Variants in ATP2C2 observed in about 807,000 individuals in gnomAD.
ATP2C2 encodes calcium-transporting ATPase type 2C member 2.
In ATP2C2, 171 loss-of-function variants were observed where a neutral mutation model predicts 110.8. The ratio of observed to expected loss-of-function variants is 1.54; its 90% CI spans 1.36 to 1.75. The LOEUF is 1.75. Among genes scored for constraint, ATP2C2 ranks in the 40% most tolerant of loss-of-function variants. ATP2C2 has a pLI of 0.00. For synonymous variants in ATP2C2, 804 were observed against 508.4 expected, an observed-to-expected ratio of 1.58 and a Z score of -7.82; for missense variants, 1,963 against 1,235.0, an observed-to-expected ratio of 1.59 and a Z score of -8.84.
intron 6 of ATP2C2, among the ~76,000 whole-genome samples, chr16:84,414,186 A>G (rs1440230900): frequency 2.0e-5 from 3 of 152,190 alleles, no homozygotes; most frequent in African/African-American, 7.2e-5. Flanking sequence ...AGCAACAGGT[A>G]TATCTCTGGC....
At chr16:84,455,597 A>C (rs1910720833) in intron 21 of ATP2C2, among the ~76,000 whole-genome samples, 2 of 152,082 alleles carry the variant, frequency 1.3e-5, no homozygotes, top group Non-Finnish European at 2.9e-5. Flanking sequence ...GACTCTCCTC[A>C]TAAGCTAATC....
chr16:84,415,604 A>C lies in ATP2C2; in HGVS notation c.624+13A>C, dbSNP rs199516981. On this transcript the variant is annotated intron_variant, in intron 7 of 26. Coordinates refer to ENST00000262429, the MANE Select transcript of ATP2C2 (RefSeq NM_014861.4). ...CCGACTCACTGAGGTGAGTGGTTCCAAACCCTTGTCAATGGGGTATTTGAT... is the reference window on the plus strand; with the variant it reads ...CCGACTCACTGAGGTGAGTGGTTCCCAACCCTTGTCAATGGGGTATTTGAT... 4.0e-5 allele frequency: 64 copies of C among 1,599,614 alleles called. No homozygotes were observed. In the Admixed American group the frequency reaches 9.4e-4, roughly 23 times the overall value.
intron 6 of ATP2C2, among the ~76,000 whole-genome samples, chr16:84,412,414 CTGTGTATG>C (rs1567705279): frequency 9.5e-5 from 14 of 146,872 alleles, no homozygotes; most frequent in Non-Finnish European, 1.5e-4. Context: ...GTGCATGTGT[CTGTGTATG>C]TGTGTGCGTG....
chr16:84,381,563 C>T (rs1910580454), intron 1 of ATP2C2, among the ~76,000 whole-genome samples: 1 of 151,878 alleles, frequency 6.6e-6, no homozygotes, highest in South Asian at 2.1e-4. Context: ...GACGACAGAG[C>T]AAGACTCTGT....
intron 24 of ATP2C2, 63 bp downstream of exon 24, chr16:84,460,864 C>A: frequency 1.3e-6 from 2 of 1,529,456 alleles, no homozygotes. Flanking sequence ...CTGGGGACTG[C>A]AGTCCCTGCC....
At chr16:84,455,242 G>A (rs1910690845) in intron 21 of ATP2C2, among the ~76,000 whole-genome samples, 1 of 152,132 alleles carries the variant, frequency 6.6e-6, no homozygotes, top group South Asian at 2.1e-4. Flanking sequence ...ATGAAGCAGA[G>A]ATGGGATTTG....
chr16:84,419,504 G>A (rs1055791408), intron 7 of ATP2C2, among the ~76,000 whole-genome samples: 10 of 152,194 alleles, frequency 6.6e-5, no homozygotes, highest in Admixed American at 6.5e-4. Flanking sequence ...AGTCACGTCT[G>A]CATAGTCTCT....
chr16:84,401,333 C>T (rs1468857076), intron 2 of ATP2C2, among the ~76,000 whole-genome samples: 4 of 150,582 alleles, frequency 2.7e-5, no homozygotes, highest in African/African-American at 4.9e-5. Flanking sequence ...AAGCAATTCT[C>T]CTGCCTCAGC....
intron 2 of ATP2C2, 135 bp from the exon 3 acceptor site, chr16:84,404,993 C>A: frequency 1.2e-6 from 1 of 802,362 alleles, no homozygotes. Context: ...TGAACAAGTC[C>A]CAGCACCTTG....
rs182442453 is a variant in ATP2C2 at position 84,426,425 on chromosome 16, T to G, written c.986+624T>G. Among the ~76,000 whole-genome samples the G allele has an allele frequency of 1.2e-3, 189 of 152,276 alleles. 1 individual carries two copies. Among genetic ancestry groups the G allele is most frequent in the Non-Finnish European group, 1.0e-3 (70 of 68,022 alleles). On this transcript the variant is annotated intron_variant, in intron 11 of 26. Coordinates refer to ENST00000262429, the MANE Select transcript of ATP2C2 (RefSeq NM_014861.4). ...TTGAGGTTTGAGTTGGGACACACAT[T>G]CAAACTGTATCAGCTTTCTTGTCAC...
At position 84,439,160 on chromosome 16, in the gene ATP2C2, A is replaced by C. The variant is rs564091352; in HGVS notation, c.987-6A>C. On this transcript the variant is annotated splice_region_variant and splice_polypyrimidine_tract_variant and intron_variant, in intron 11 of 26. Transcript: ENST00000262429. The stretch of plus-strand genomic sequence containing the variant: ...TAGAGGGGACTCATTTGACCTTTCG[A>C]TCCAGCCTGGCTGTGGCGGCCATTC... 1 of 1,612,152 alleles carries C rather than the reference A, an allele frequency of 6.2e-7. No individual in the cohort carries two copies. The highest frequency in any genetic ancestry group is 8.5e-7 in the Non-Finnish European group (1 of 1,179,998).
At chr16:84,400,658 T>C (rs1242298987) in intron 2 of ATP2C2, among the ~76,000 whole-genome samples, 2 of 152,196 alleles carry the variant, frequency 1.3e-5, no homozygotes, top group African/African-American at 4.8e-5. Flanking sequence ...CCCTCCAAAC[T>C]GTTCACCAGT....
intron 1 of ATP2C2, among the ~76,000 whole-genome samples, chr16:84,397,472 T>G (rs151204771): frequency 6.6e-6 from 1 of 151,260 alleles, no homozygotes; most frequent in African/African-American, 2.4e-5. Flanking sequence ...GTAAAATAAG[T>G]TCGCTCAGCC....
At chr16:84,402,583 G>C (rs1377695445) in intron 2 of ATP2C2, among the ~76,000 whole-genome samples, 1 of 152,066 alleles carries the variant, frequency 6.6e-6, no homozygotes, top group African/African-American at 2.4e-5. Context: ...CTTTCATTCT[G>C]TTGATGTGTC....
intron 6 of ATP2C2, among the ~76,000 whole-genome samples, chr16:84,414,283 G>A (rs1006996578): frequency 4.6e-5 from 7 of 152,140 alleles, no homozygotes; most frequent in Non-Finnish European, 8.8e-5. Flanking sequence ...ATCTGAGGTG[G>A]GAGCCGTGGG....
intron 3 of ATP2C2, 30 bp downstream of exon 3, chr16:84,405,274 A>G (rs372991083): frequency 7.0e-6 from 11 of 1,569,244 alleles, no homozygotes; most frequent in Non-Finnish European, 9.6e-6. Context: ...TCTTTGCATT[A>G]ACATGCATAA....
chr16:84,453,004 A>C, intron 18 of ATP2C2, 134 bp from the exon 19 acceptor site: 2 of 844,210 alleles, frequency 2.4e-6, no homozygotes, highest in Non-Finnish European at 3.7e-6. Flanking sequence ...GAGGCCGTGC[A>C]GCATGGTAGG....
At chr16:84,430,708 T>C (rs967510338) in intron 11 of ATP2C2, among the ~76,000 whole-genome samples, 6 of 151,700 alleles carry the variant, frequency 4.0e-5, no homozygotes. Flanking sequence ...CAGGGTCTTT[T>C]GGTGCTGGAG....
rs752933057 is a variant in ATP2C2 at position 84,463,609 on chromosome 16, G to A, written c.2723-5G>A. On this transcript the variant is annotated splice_region_variant and splice_polypyrimidine_tract_variant and intron_variant, in intron 26 of 26. Transcript: ENST00000262429. The stretch of plus-strand genomic sequence containing the variant: ...CTGAATCTTTTCTGTTTTCTCCCTT[G>A]GCAGATTTGCTGTTTTTAACTGGAT... 3.7e-6 allele frequency: 6 copies of A among 1,610,302 alleles called. No individual in the cohort carries two copies. The highest frequency in any genetic ancestry group is 4.5e-5 in the East Asian group (2 of 44,870).
Sources: gnomAD v4.1 joint callset for allele counts (sites outside exome capture counted in the v4.1 genomes callset) on GRCh38, gnomAD v4.1.1 for gene constraint, MANE v1.5 for transcripts, NCBI Gene and HGNC (gene_info 2026-07-23, HGNC 2026-07-21) for gene names.